LTBP2: variants seen among roughly 807,000 people sequenced by gnomAD.
LTBP2 encodes the protein latent-transforming growth factor beta-binding protein 2.
In LTBP2, 103 loss-of-function variants were observed where a neutral mutation model predicts 210.6. That is an observed-to-expected ratio of 0.49 (90% confidence interval 0.42 to 0.58). LTBP2 has a LOEUF of 0.58. Among genes scored for constraint, LTBP2 ranks in the 20% least tolerant of loss-of-function variants. The pLI, the probability that LTBP2 is intolerant of heterozygous loss-of-function variation, is 0.00. For synonymous variants in LTBP2, 1,007 were observed against 1,015.0 expected, an observed-to-expected ratio of 0.99 and a Z score of 0.15; for missense variants, 2,313 against 2,494.5, an observed-to-expected ratio of 0.93 and a Z score of 1.55.
At chr14:74,506,551 GTTGAAGTCTCCCTCTTCT>G in intron 27 of LTBP2, 129 bp downstream of exon 27, 1 of 1,335,068 alleles carries the variant, frequency 7.5e-7, no homozygotes, top group Non-Finnish European at 1.1e-6. Flanking sequence ...TGGGCGAGGA[GTTGAAGTCTCCCTCTTCT>G]TTGAAGCCTC....
In LTBP2 at chr14:74,508,816, C is replaced by T. The variant is rs1262735424; in HGVS notation, c.3526+14G>A. 1 of 1,613,580 alleles carries T rather than the reference C, an allele frequency of 6.2e-7. No homozygotes were observed. Among genetic ancestry groups the T allele is most frequent in the Non-Finnish European group, 8.5e-7 (1 of 1,179,940 alleles). On this transcript the variant is annotated intron_variant, in intron 23 of 35. Transcript: ENST00000261978. ...ATGCCCCCCACCCCCAGTAGGGTGACCTGGGTCACTCACCCTCACACACGG... is the reference window on the plus strand; with the variant it reads ...ATGCCCCCCACCCCCAGTAGGGTGATCTGGGTCACTCACCCTCACACACGG...
At chr14:74,522,656 G>T in intron 16 of LTBP2, 134 bp downstream of exon 16, 2 of 1,064,844 alleles carry the variant, frequency 1.9e-6, no homozygotes, top group Non-Finnish European at 2.6e-6. Flanking sequence ...CAGGGACTGT[G>T]CTCCTCCTAA....
chr14:74,560,942 A>G (rs112778857), intron 3 of LTBP2, among the ~76,000 whole-genome samples: 2,425 of 152,312 alleles, frequency 0.016, 53 homozygotes, highest in African/African-American at 0.053. Flanking sequence ...TGGTATTCAC[A>G]GGGGTCCTGG....
chr14:74,513,026 CGA>C (rs1237443377), intron 18 of LTBP2, among the ~76,000 whole-genome samples: 2 of 152,160 alleles, frequency 1.3e-5, no homozygotes, highest in Non-Finnish European at 2.9e-5. Context: ...ATGAAGAGAA[CGA>C]GATTGAGGCA....
chr14:74,560,230 G>C (rs905332380), intron 3 of LTBP2, among the ~76,000 whole-genome samples: 2 of 152,112 alleles, frequency 1.3e-5, no homozygotes, highest in African/African-American at 4.8e-5. Context: ...AGACATTTCA[G>C]AGCCAAAAAA....
intron 24 of LTBP2, 21 bp downstream of exon 24, chr14:74,508,583 G>A: frequency 6.3e-7 from 1 of 1,599,616 alleles, no homozygotes; most frequent in Non-Finnish European, 8.5e-7. Context: ...GCCAGTAGAG[G>A]TAGCTGTGCT....
At chr14:74,526,756 G>C (rs931001458) in intron 13 of LTBP2, among the ~76,000 whole-genome samples, 2 of 152,224 alleles carry the variant, frequency 1.3e-5, no homozygotes, top group Non-Finnish European at 2.9e-5. Flanking sequence ...GCAGGGGACA[G>C]AGTAGGGACT....
At chr14:74,528,876 G>A in intron 11 of LTBP2, 82 bp downstream of exon 11, 1 of 1,566,792 alleles carries the variant, frequency 6.4e-7, no homozygotes, top group Non-Finnish European at 8.7e-7. Flanking sequence ...CCAGATTGAG[G>A]GAAGTCTACC....
At chr14:74,577,518 T>C (rs971835266) in intron 3 of LTBP2, among the ~76,000 whole-genome samples, 2 of 151,552 alleles carry the variant, frequency 1.3e-5, no homozygotes, top group African/African-American at 4.9e-5. Context: ...TTTTTTTTTT[T>C]TTTTTCTTGA....
chr14:74,564,795 A>G (rs2087881275), intron 3 of LTBP2, among the ~76,000 whole-genome samples: 1 of 152,096 alleles, frequency 6.6e-6, no homozygotes, highest in African/African-American at 2.4e-5. Flanking sequence ...TTAGATACTC[A>G]TTATCCCCAT....
intron 19 of LTBP2, 103 bp downstream of exon 19, chr14:74,511,142 A>G (rs2087066013): frequency 6.3e-7 from 1 of 1,580,564 alleles, no homozygotes; most frequent in South Asian, 1.1e-5. Flanking sequence ...AACAGCCTCC[A>G]AGCCACCTCC....
intron 3 of LTBP2, among the ~76,000 whole-genome samples, chr14:74,583,090 G>A (rs922220266): frequency 1.2e-4 from 19 of 152,254 alleles, no homozygotes; most frequent in African/African-American, 3.9e-4. Context: ...CCCTCTGTAG[G>A]GCACCCTGCC....
intron 18 of LTBP2, among the ~76,000 whole-genome samples, chr14:74,512,655 G>A (rs2087086463): frequency 1.3e-5 from 2 of 152,216 alleles, no homozygotes; most frequent in Non-Finnish European, 2.9e-5. Flanking sequence ...TCTGCCTGAG[G>A]GTCCAGAAGA....
chr14:74,550,917 C>G, intron 7 of LTBP2, 147 bp downstream of exon 7: 1 of 1,049,882 alleles, frequency 9.5e-7, no homozygotes, highest in Non-Finnish European at 1.4e-6. Context: ...AATTTCATGC[C>G]TTGGGTTTTC....
Position 74,522,927 on chromosome 14 carries a change from G to T in LTBP2, c.2531-9C>A. The T allele has an allele frequency of 6.2e-7, 1 of 1,610,686 alleles. No individual in the cohort carries two copies. The highest frequency in any genetic ancestry group is 1.1e-5 in the South Asian group (1 of 90,156). On this transcript the variant is annotated splice_polypyrimidine_tract_variant and intron_variant, in intron 15 of 35. Coordinates refer to ENST00000261978, the MANE Select transcript of LTBP2 (RefSeq NM_000428.3). ...AGCGCATCTGTCAATGCCTGTGGGAGACAGAGCAAAACAGAGGTTATGGCA... is the reference window on the plus strand; with the variant it reads ...AGCGCATCTGTCAATGCCTGTGGGATACAGAGCAAAACAGAGGTTATGGCA...
intron 3 of LTBP2, among the ~76,000 whole-genome samples, chr14:74,567,819 C>A (rs1400516857): frequency 6.6e-6 from 1 of 152,156 alleles, no homozygotes; most frequent in Non-Finnish European, 1.5e-5. Context: ...CTCACTGGAA[C>A]CATCTCCCCA....
Position 74,603,690 on chromosome 14 carries a change from C to T in LTBP2, c.510G>A (p.Gly170=). 1 of 1,614,140 alleles carries T rather than the reference C, an allele frequency of 6.2e-7. No homozygotes were observed. The highest frequency in any genetic ancestry group is 8.5e-7 in the Non-Finnish European group (1 of 1,180,022). ...RGRLTGRNVC[G]GQCCPGWTTA... ...TTGTCCATCCTGGGCAGCACTGTCC[C>T]CCGCAGACGTTCCTCCTGTGGGGTC... is the stretch of plus-strand genomic sequence containing the variant. The change falls in exon 2 of 36, where the codon GGG becomes GGA. Residue 170 remains glycine, a synonymous_variant. Transcript: ENST00000261978.
At chr14:74,569,850 G>A (rs1198601776) in intron 3 of LTBP2, among the ~76,000 whole-genome samples, 1 of 152,094 alleles carries the variant, frequency 6.6e-6, no homozygotes, top group Admixed American at 6.5e-5. Context: ...GAAGGTAGCT[G>A]GCCCAAGCTC....
At position 74,611,582 on chromosome 14, in the gene LTBP2, G is replaced by T; in HGVS notation, c.363C>A (p.Thr121=). Residue 121 remains threonine (T), a synonymous_variant, in exon 1 of 36, where the codon ACC becomes ACA. Coordinates refer to ENST00000261978, the MANE Select transcript of LTBP2 (RefSeq NM_000428.3). The part of the protein sequence containing the change: ...QSRRVQPPAQ[T]RRSTPLGQQQ... ...GCTGGCCCAGGGGAGTGCTTCTCCG[G>T]GTCTGCGCAGGTGGCTGGACACGCC... The T allele has an allele frequency of 1.3e-6, 2 of 1,576,174 alleles. No individual in the cohort carries two copies.
Sources: gnomAD v4.1 joint callset for allele counts (sites outside exome capture counted in the v4.1 genomes callset) on GRCh38, gnomAD v4.1.1 for gene constraint, MANE v1.5 for transcripts, NCBI Gene and HGNC (gene_info 2026-07-23, HGNC 2026-07-21) for gene names.